PTPRH: variants seen among roughly 807,000 people sequenced by gnomAD.
PTPRH encodes receptor-type tyrosine-protein phosphatase H.
PTPRH carries 113 observed loss-of-function variants against 130.2 expected under a neutral mutation model. That is an observed-to-expected ratio of 0.87 (90% CI 0.75 to 1.01). The LOEUF is 1.01. Ranked by LOEUF, PTPRH falls within the 50% of genes least tolerant of loss-of-function variation. PTPRH has a pLI of 0.00. For missense variants in PTPRH, 1,430 were observed against 1,425.0 expected (o/e 1.00, Z -0.06); for synonymous variants, 556 against 577.9 (o/e 0.96, Z 0.54).
Position 55,181,795 on chromosome 19 carries a change from C to T in PTPRH, c.3307G>A (p.Glu1103Lys), listed in dbSNP as rs556509298. 1.1e-5 allele frequency: 17 copies of T among 1,614,068 alleles called. No individual in the cohort carries two copies. Among genetic ancestry groups the T allele is most frequent in the African/African-American group, 9.3e-5 (7 of 74,930 alleles). ...TGGGCCTGGATGGCGGCCACGTTCTCGTAGATGAGGTTTTCGACATCCTCA... is the reference window on the plus strand; with the variant it reads ...TGGGCCTGGATGGCGGCCACGTTCTTGTAGATGAGGTTTTCGACATCCTCA... The part of the protein sequence containing the change: ...PYEDVENLIY[E>K]NVAAIQAHKL... Residue 1103 changes from glutamate (E) to lysine (K), a missense_variant, in exon 20 of 20, where the codon GAG becomes AAG. Coordinates refer to ENST00000376350, the MANE Select transcript of PTPRH (RefSeq NM_002842.5).
intron 3 of PTPRH, 87 bp downstream of exon 3, chr19:55,206,602 G>C: frequency 7.5e-7 from 1 of 1,333,612 alleles, no homozygotes; most frequent in Non-Finnish European, 1.0e-6. Context: ...TCCAACTAAA[G>C]AACCTGTCGC....
chr19:55,207,369 C>G (rs1264994511), intron 1 of PTPRH, 170 bp from the exon 2 acceptor site: 7 of 675,720 alleles, frequency 1.0e-5, no homozygotes, highest in South Asian at 1.0e-4. Context: ...TTTCCTGGGT[C>G]GAGGAGAGAA....
chr19:55,209,270 AG>A lies in PTPRH; in HGVS notation c.51+112del, dbSNP rs2087167097. 2.2e-6 allele frequency: 2 copies of A among 913,208 alleles called. No individual in the cohort carries two copies. The highest frequency in any genetic ancestry group is 1.4e-5 in the South Asian group (1 of 70,740). The allele number at this position is 913,208 out of a possible 1,614,324, so 56.6% of individuals were successfully genotyped here. A position where few individuals can be genotyped will look rare whatever the true frequency, so the allele number is the denominator to read the frequency against. On this transcript the variant is annotated intron_variant, in intron 1 of 19. Transcript: ENST00000376350. This position sits in a 1 kb window ranked among gnomAD's most constrained non-coding sequence, Gnocchi z 4.1. ...AAGCCTGAAGCCCTCTTCCTTCTCCAGGGGATCTTCAGCACCTACTTCCTCA... is the reference window on the plus strand; with the variant it reads ...AAGCCTGAAGCCCTCTTCCTTCTCCAGGGATCTTCAGCACCTACTTCCTCA...
rs559964384 is a variant in PTPRH at position 55,184,828 on chromosome 19, A to T, written c.3062+674T>A. 5.9e-5 allele frequency among the ~76,000 whole-genome samples: 9 copies of T among 151,612 alleles called. No individual in the cohort carries two copies. The South Asian group carries it at 1.2e-3, about 21-fold the overall frequency. Reference sequence around the variant, plus strand: ...AATAATAAAATAAAATAAAATAAATAAAATAAAATAAATATCAGGGAAGCA... The same window carrying T: ...AATAATAAAATAAAATAAAATAAATTAAATAAAATAAATATCAGGGAAGCA... On this transcript the variant is annotated intron_variant, in intron 18 of 19. Coordinates refer to ENST00000376350, the MANE Select transcript of PTPRH (RefSeq NM_002842.5).
At chr19:55,196,978 C>T (rs968784165) in intron 9 of PTPRH, 139 bp downstream of exon 9, 1 of 1,215,674 alleles carries the variant, frequency 8.2e-7, no homozygotes, top group Admixed American at 2.4e-5. Context: ...TCCCATGAGG[C>T]CTTGGGCTCC....
In PTPRH at chr19:55,185,941, G is replaced by T. The variant is rs1436469272; in HGVS notation, c.2822C>A (p.Thr941Asn). The T allele has an allele frequency of 6.2e-7, 1 of 1,614,078 alleles. No individual in the cohort carries two copies. The highest frequency in any genetic ancestry group is 1.7e-5 in the Admixed American group (1 of 60,028). Residue 941 changes from threonine (T) to asparagine (N), a missense_variant, in exon 17 of 20, where the codon ACC becomes AAC. Transcript: ENST00000376350. ...HYWPLDSQPC[T>N]HGHLRVTLVG... ...CAGGGTTACCCGCAGGTGCCCATGG[G>T]TGCAGGGCTGCGAGTCCAGAGGCCA... is the stretch of plus-strand genomic sequence containing the variant.
rs201401150 is a variant in PTPRH, at chr19:55,185,603, G to A, written c.2961C>T (p.His987=). The A allele has an allele frequency of 8.4e-5, 136 of 1,614,210 alleles. 1 individual carries two copies. In the East Asian group the frequency reaches 1.5e-3, roughly 18 times the overall value. ...AGGTGTCTGGGGAGGAGGGAACGCCGTGATCCGGCCAGGCCTGGTAGTGGA... is the reference window on the plus strand; with the variant it reads ...AGGTGTCTGGGGAGGAGGGAACGCCATGATCCGGCCAGGCCTGGTAGTGGA... The part of the protein sequence containing the change: ...RQFHYQAWPD[H]GVPSSPDTLL... Residue 987 remains histidine (H), a synonymous_variant, in exon 18 of 20, where the codon CAC becomes CAT. Coordinates refer to ENST00000376350, the MANE Select transcript of PTPRH (RefSeq NM_002842.5).
At chr19:55,207,145 G>A in intron 2 of PTPRH, 21 bp downstream of exon 2, 1 of 1,612,832 alleles carries the variant, frequency 6.2e-7, no homozygotes, top group Non-Finnish European at 8.5e-7. Flanking sequence ...TGGGCAGTGA[G>A]TTCAGGCAGG....
At position 55,202,592 on chromosome 19, in the gene PTPRH, TAC is replaced by T. The variant is rs146718002; in HGVS notation, c.887-272_887-271del. 9.3e-3 allele frequency among the ~76,000 whole-genome samples: 1,391 copies of T among 149,930 alleles called. 20 individuals carry two copies. Among genetic ancestry groups the T allele is most frequent in the African/African-American group, 0.031 (1,285 of 40,880 alleles). On this transcript the variant is annotated intron_variant, in intron 5 of 19. Transcript: ENST00000376350. ...AATGTCAACTATCTGATTGATCCTA[TAC>T]ACACACACACACACACATATATATA...
Position 55,196,798 on chromosome 19 carries a change from G to A in PTPRH, c.1991-10C>T, listed in dbSNP as rs761100461. On this transcript the variant is annotated splice_polypyrimidine_tract_variant and intron_variant, in intron 9 of 19. Coordinates refer to ENST00000376350, the MANE Select transcript of PTPRH (RefSeq NM_002842.5). ...GTGACTGTGTCTGGGTCTGGGTGAA[G>A]GAAGCAAGAGGTCAGCAGTGCCATC... 2 of 1,608,252 alleles carry A rather than the reference G, an allele frequency of 1.2e-6. No individual in the cohort carries two copies. Among genetic ancestry groups the A allele is most frequent in the Non-Finnish European group, 1.7e-6 (2 of 1,175,174 alleles).
At chr19:55,185,284 G>A (rs202045329) in intron 18 of PTPRH, among the ~76,000 whole-genome samples, 1 of 152,056 alleles carries the variant, frequency 6.6e-6, no homozygotes, top group Non-Finnish European at 1.5e-5. Context: ...ATGAGCCACC[G>A]CTCCTGGCCT....
chr19:55,183,707 T>C (rs2086241651), intron 18 of PTPRH, among the ~76,000 whole-genome samples: 2 of 151,430 alleles, frequency 1.3e-5, no homozygotes, highest in Non-Finnish European at 2.9e-5. Flanking sequence ...CTGGGTGACA[T>C]AGCGAGACTC....
rs1346180901 is a variant in PTPRH, at chr19:55,206,673, A to T, written c.352+16T>A. 6.4e-7 allele frequency: 1 copy of T among 1,566,600 alleles called. No homozygotes were observed. The highest frequency in any genetic ancestry group is 8.7e-7 in the Non-Finnish European group (1 of 1,150,644). ...CTTATAAAAGAAATAAAAATAAAGC[A>T]GTGGCTGCCTCTTACCTGTGGCAGT... On this transcript the variant is annotated intron_variant, in intron 3 of 19. Coordinates refer to ENST00000376350, the MANE Select transcript of PTPRH (RefSeq NM_002842.5).
Position 55,202,215 on chromosome 19 carries a change from C to A in PTPRH, c.994G>T (p.Val332Phe). 1 of 1,614,198 alleles carries A rather than the reference C, an allele frequency of 6.2e-7. No homozygotes were observed. The highest frequency in any genetic ancestry group is 8.5e-7 in the Non-Finnish European group (1 of 1,180,038). Residue 332 changes from valine to phenylalanine, a missense_variant, in exon 6 of 20, where the codon GTT (valine) becomes TTT (phenylalanine). Coordinates refer to ENST00000376350, the MANE Select transcript of PTPRH (RefSeq NM_002842.5). ...CTGCCACCATCTCCAGTGTACTCAA[C>A]CCCGTAGGTGGAGTTCTGTGGGTCT... is the stretch of plus-strand genomic sequence containing the variant. ...GPDPQNSTYG[V>F]EYTGDGGRAG...
intron 14 of PTPRH, among the ~76,000 whole-genome samples, chr19:55,187,109 G>T (rs11666987): frequency 0.16 from 24,214 of 150,544 alleles, 2,038 homozygotes; most frequent in South Asian, 0.3. Flanking sequence ...ACTTTGGGAG[G>T]CCGAGGCGGG....
At position 55,204,058 on chromosome 19, in the gene PTPRH, T is replaced by G; in HGVS notation, c.620-10A>C. 1 of 1,606,050 alleles carries G rather than the reference T, an allele frequency of 6.2e-7. No homozygotes were observed. On this transcript the variant is annotated splice_polypyrimidine_tract_variant and intron_variant, in intron 4 of 19. Transcript: ENST00000376350. ...CTCACTGGGTTGTGAGCTGAGAAAT[T>G]AGGAAGAAAGATCTAATATGAGCAG...
chr19:55,194,055 C>G lies in PTPRH; in HGVS notation c.2258-2314G>C, dbSNP rs377764519. On this transcript the variant is annotated intron_variant, in intron 10 of 19. Coordinates refer to ENST00000376350, the MANE Select transcript of PTPRH (RefSeq NM_002842.5). ...AGTAGAGACAGGGTTTCTCCATGTT[C>G]GTCAGGCTGGTCTCGAACTCCCAAC... 2.3e-4 allele frequency: 170 copies of G among 753,668 alleles called. No homozygotes were observed. The African/African-American group carries it at 2.9e-3, about 13-fold the overall frequency. The allele number at this position is 753,668 out of a possible 1,614,324, so 46.7% of individuals were successfully genotyped here. A position where few individuals can be genotyped will look rare whatever the true frequency, so the allele number is the denominator to read the frequency against.
chr19:55,203,320 C>A (rs2122257339), intron 5 of PTPRH, among the ~76,000 whole-genome samples: 1 of 114,848 alleles, frequency 8.7e-6, no homozygotes, highest in African/African-American at 3.8e-5. Flanking sequence ...GAGGGAGACT[C>A]TGTCTCAAAA....
chr19:55,185,358 C>T lies in PTPRH; in HGVS notation c.3062+144G>A, dbSNP rs1052440056. ...CCCTTTCTTTTCTTAATCTGCTTCA[C>T]GCCCCCCTTTATCTTCCACATCCAC... On this transcript the variant is annotated intron_variant, in intron 18 of 19. Coordinates refer to ENST00000376350, the MANE Select transcript of PTPRH (RefSeq NM_002842.5). 3.5e-5 allele frequency: 30 copies of T among 867,310 alleles called. No individual in the cohort carries two copies. The Admixed American group carries it at 3.5e-4, about 10-fold the overall frequency. 53.7% of individuals were successfully genotyped at this position (867,310 alleles called of 1,614,324 possible).
Sources: gnomAD v4.1 joint callset for allele counts (sites outside exome capture counted in the v4.1 genomes callset) on GRCh38, gnomAD v4.1.1 for gene constraint, Gnocchi (gnomAD v3.1) non-coding constraint, MANE v1.5 for transcripts, NCBI Gene and HGNC (gene_info 2026-07-23, HGNC 2026-07-21) for gene names.